MYB: variants seen among roughly 807,000 people sequenced by gnomAD.
The protein encoded by MYB is MYB proto-oncogene, transcription factor, also known as transcriptional activator Myb.
Under a neutral mutation model 92.9 loss-of-function variants are expected in MYB, and 28 were observed. The ratio of observed to expected loss-of-function variants is 0.30; its 90% CI spans 0.22 to 0.41. The LOEUF is 0.41. Among genes scored for constraint, MYB ranks in the 10% least tolerant of loss-of-function variants. MYB has a pLI of 1.00. For missense variants in MYB, 679 were observed against 929.3 expected, an observed-to-expected ratio of 0.73 and a Z score of 3.50; for synonymous variants, 295 against 329.1, an observed-to-expected ratio of 0.90 and a Z score of 1.12.
chr6:135,206,583 C>A (rs892739255), intron 15 of MYB, among the ~76,000 whole-genome samples: 12 of 152,150 alleles, frequency 7.9e-5, no homozygotes, highest in African/African-American at 2.9e-4. Context: ...GTAATCCCAG[C>A]TACTTGGGAG....
chr6:135,182,267 C>T lies in MYB; in HGVS notation c.23+731C>T, dbSNP rs1775170087. Among the ~76,000 whole-genome samples the T allele has an allele frequency of 6.6e-6, 1 of 152,230 alleles. No homozygotes were observed. Among genetic ancestry groups the T allele is most frequent in the Admixed American group, 6.5e-5 (1 of 15,288 alleles). On this transcript the variant is annotated intron_variant, in intron 1 of 15. Transcript: ENST00000341911. The surrounding 1 kb of genome is among the most constrained non-coding windows in gnomAD (Gnocchi z 5.6). Reference sequence around the variant, plus strand: ...GCCGGGAAGATGGGTGCAGTCCCTTCACATTTTTGGCCGGACAGATGGGAA... The same window carrying T: ...GCCGGGAAGATGGGTGCAGTCCCTTTACATTTTTGGCCGGACAGATGGGAA...
intron 3 of MYB, 70 bp downstream of exon 3, chr6:135,187,975 A>T: frequency 8.6e-7 from 1 of 1,164,522 alleles, no homozygotes; most frequent in Non-Finnish European, 1.3e-6. Context: ...ATATTCTAGG[A>T]GGAGTTATTA....
At chr6:135,195,717 C>G (rs1459519906) in intron 8 of MYB, 31 bp from the exon 9 acceptor site, 2 of 1,609,870 alleles carry the variant, frequency 1.2e-6, no homozygotes, top group African/African-American at 1.3e-5. Flanking sequence ...TCTGTCCTCT[C>G]TTTATTTCTA....
Position 135,181,583 on chromosome 6 carries a change from C to T in MYB, c.23+47C>T. 1 of 1,122,008 alleles carries T rather than the reference C, an allele frequency of 8.9e-7. No individual in the cohort carries two copies. The highest frequency in any genetic ancestry group is 1.1e-6 in the Non-Finnish European group (1 of 908,222). The allele number at this position is 1,122,008 out of a possible 1,614,324, so 69.5% of individuals were successfully genotyped here. A position where few individuals can be genotyped will look rare whatever the true frequency, so the allele number is the denominator to read the frequency against. Reference sequence around the variant, plus strand: ...GGCCGAGGGCGGGGGCGCGCGGGGGCGCGCGGGGCGCCAGGCTCCCGGGAG... The same window carrying T: ...GGCCGAGGGCGGGGGCGCGCGGGGGTGCGCGGGGCGCCAGGCTCCCGGGAG... On this transcript the variant is annotated intron_variant, in intron 1 of 15. Coordinates refer to ENST00000341911, the MANE Select transcript of MYB (RefSeq NM_001130173.2). The surrounding 1 kb of genome is among the most constrained non-coding windows in gnomAD (Gnocchi z 5.3).
chr6:135,210,830 T>C (rs1779605613), intron 15 of MYB, among the ~76,000 whole-genome samples: 1 of 152,262 alleles, frequency 6.6e-6, no homozygotes, highest in South Asian at 2.1e-4. Flanking sequence ...ACAGGTGATA[T>C]TATTAGGCAG....
chr6:135,213,685 T>C (rs210945), intron 15 of MYB, among the ~76,000 whole-genome samples: 148,079 of 152,222 alleles, frequency 0.97, 72,093 homozygotes, highest in African/African-American at 0.99. Flanking sequence ...AGGTTGAGAC[T>C]AGCCTGTGCA....
In MYB at chr6:135,195,823, A is replaced by G; in HGVS notation, c.1024A>G (p.Ser342Gly). ...IADHTRPHGDSAPVSCLGEHH... is the reference protein window; with the variant it reads ...IADHTRPHGDGAPVSCLGEHH... ...CGACCACACCAGACCTCATGGAGAC[A>G]GTGCACCTGTTTCCTGTTTGGGAGA... Residue 342 changes from serine (S) to glycine (G), a missense_variant, in exon 9 of 16, where the codon AGT becomes GGT. Around this residue, in one of 8 missense-constraint regions of MYB, gnomAD observed 56 missense variants for 55.8 expected, o/e 1.00. Transcript: ENST00000341911. The G allele has an allele frequency of 6.2e-7, 1 of 1,614,148 alleles. No homozygotes were observed. Among genetic ancestry groups the G allele is most frequent in the Non-Finnish European group, 8.5e-7 (1 of 1,180,012 alleles).
chr6:135,214,319 C>T (rs572628396), intron 15 of MYB, among the ~76,000 whole-genome samples: 1 of 151,644 alleles, frequency 6.6e-6, no homozygotes, highest in African/African-American at 2.4e-5. Context: ...TTGATTGAAG[C>T]CCAGCTAAAT....
chr6:135,191,581 T>C (rs1264798367), intron 5 of MYB, among the ~76,000 whole-genome samples: 1 of 152,200 alleles, frequency 6.6e-6, no homozygotes, highest in Non-Finnish European at 1.5e-5. Flanking sequence ...AACAGGGCTA[T>C]TGAACTTCCT....
At chr6:135,209,956 G>A (rs528238493) in intron 15 of MYB, among the ~76,000 whole-genome samples, 1 of 152,250 alleles carries the variant, frequency 6.6e-6, no homozygotes, top group African/African-American at 2.4e-5. Flanking sequence ...AAAACATTCA[G>A]CCTAGAAAGC....
At chr6:135,203,923 T>C (rs1778495237) in intron 15 of MYB, 1 of 1,130,402 alleles carries the variant, frequency 8.8e-7, no homozygotes, top group Admixed American at 4.5e-5. Flanking sequence ...TGATGAAATA[T>C]AACCAATTCC....
At chr6:135,195,210 A>G in intron 8 of MYB, 3 of 663,532 alleles carry the variant, frequency 4.5e-6, no homozygotes, top group Non-Finnish European at 6.4e-6. Context: ...TCATACTGTA[A>G]GGAGACTTCT....
At chr6:135,208,071 TTTTTTTTTAA>T (rs1206432762) in intron 15 of MYB, among the ~76,000 whole-genome samples, 1 of 132,508 alleles carries the variant, frequency 7.5e-6, no homozygotes, top group Non-Finnish European at 1.6e-5. Context: ...ATTTTTTAAT[TTTTTTTTTAA>T]TTTTTTTTTT....
chr6:135,190,309 G>A lies in MYB; in HGVS notation c.489G>A (p.Gly163=). ...RIIYQAHKRL[G]NRWAEIAKLL... Reference sequence around the variant, plus strand: ...TTTACCAGGCACACAAGAGACTGGGGAACAGATGGGCAGAAATCGCAAAGC... The same window carrying A: ...TTTACCAGGCACACAAGAGACTGGGAAACAGATGGGCAGAAATCGCAAAGC... The change falls in exon 5 of 16, where the codon GGG becomes GGA. Residue 163 remains glycine (G), a synonymous_variant. Transcript: ENST00000341911. This position sits in a 1 kb window ranked among gnomAD's most constrained non-coding sequence, Gnocchi z 4.5. The A allele has an allele frequency of 1.2e-6, 2 of 1,614,152 alleles. No individual in the cohort carries two copies. The highest frequency in any genetic ancestry group is 1.7e-6 in the Non-Finnish European group (2 of 1,179,982).
At chr6:135,204,300 A>C (rs1778555565) in intron 15 of MYB, among the ~76,000 whole-genome samples, 1 of 151,944 alleles carries the variant, frequency 6.6e-6, no homozygotes, top group Non-Finnish European at 1.5e-5. Context: ...TTTTTTGTTG[A>C]TGTTGCTTTG....
At chr6:135,215,998 G>C (rs1780380012) in intron 15 of MYB, among the ~76,000 whole-genome samples, 1 of 152,100 alleles carries the variant, frequency 6.6e-6, no homozygotes, top group Admixed American at 6.6e-5. Flanking sequence ...GCAATACCAG[G>C]AATAGTGCCT....
At chr6:135,195,045 T>C (rs1777117629) in intron 8 of MYB, 1 of 1,326,124 alleles carries the variant, frequency 7.5e-7, no homozygotes, top group Non-Finnish European at 9.9e-7. Context: ...ACATACATAG[T>C]TAACCAACAA....
chr6:135,202,016 TG>T (rs1333594926), intron 14 of MYB, among the ~76,000 whole-genome samples: 2 of 152,246 alleles, frequency 1.3e-5, no homozygotes, highest in Admixed American at 6.5e-5. Flanking sequence ...AAAATCTACA[TG>T]GATATAAAAA....
rs1776410194 is a variant in MYB at position 135,189,811 on chromosome 6, C to T, written c.234C>T (p.Cys78=). ...TCTAGAATCGAACAGATGTGCAGTG[C>T]CAGCACCGATGGCAGAAAGTACTAA... is the stretch of plus-strand genomic sequence containing the variant. The part of the protein sequence containing the change: ...NYLPNRTDVQ[C]QHRWQKVLNP... Residue 78 remains cysteine, a synonymous_variant, in exon 4 of 16, where the codon TGC becomes TGT. Transcript: ENST00000341911. 1 of 1,614,008 alleles carries T rather than the reference C, an allele frequency of 6.2e-7. No individual in the cohort carries two copies. Among genetic ancestry groups the T allele is most frequent in the East Asian group, 2.2e-5 (1 of 44,878 alleles).
Sources: allele counts gnomAD v4.1 joint callset (sites outside exome capture counted in the v4.1 genomes callset), GRCh38; gene constraint gnomAD v4.1.1; regional missense constraint gnomAD v4.1.1; non-coding constraint Gnocchi (gnomAD v3.1); transcripts MANE v1.5; gene names NCBI Gene and HGNC (gene_info 2026-07-23, HGNC 2026-07-21).